The following PCLO variants were observed in gnomAD, a reference collection of about 807,000 sequenced individuals.
PCLO encodes the protein protein piccolo.
PCLO carries 82 observed loss-of-function variants against 427.5 expected under a neutral mutation model. That is an observed-to-expected ratio of 0.19 (90% CI 0.16 to 0.23). PCLO has a LOEUF of 0.23. Among genes scored for constraint, PCLO ranks in the 10% least tolerant of loss-of-function variants. The pLI, the probability that PCLO is intolerant of heterozygous loss-of-function variation, is 1.00. For missense variants in PCLO, 6,239 were observed against 6,115.9 expected (o/e 1.02, Z -0.67); for synonymous variants, 2,357 against 2,155.4 (o/e 1.09, Z -2.59).
chr7:82,770,366 A>C (rs187354701), intron 22 of PCLO, among the ~76,000 whole-genome samples: 3 of 152,120 alleles, frequency 2.0e-5, no homozygotes, highest in Admixed American at 2.0e-4. Flanking sequence ...CTAAGAAATA[A>C]ACCCATCATC....
At chr7:82,781,187 C>G (rs1790864549) in intron 22 of PCLO, among the ~76,000 whole-genome samples, 1 of 140,618 alleles carries the variant, frequency 7.1e-6, no homozygotes, top group Admixed American at 7.1e-5. Flanking sequence ...TTCTTCATTT[C>G]AGGTAAGGTA....
chr7:82,979,131 G>T (rs989299839), intron 3 of PCLO, among the ~76,000 whole-genome samples: 2 of 152,042 alleles, frequency 1.3e-5, no homozygotes, highest in Non-Finnish European at 2.9e-5. Context: ...ATTTATAGAA[G>T]TTATTCCTTT....
chr7:83,158,977 A>C (rs1792369434), intron 1 of PCLO, among the ~76,000 whole-genome samples: 1 of 152,022 alleles, frequency 6.6e-6, no homozygotes, highest in Non-Finnish European at 1.5e-5. Flanking sequence ...TTACTGTTAA[A>C]AAGAAAAGTG....
Position 82,838,277 on chromosome 7 carries a change from A to C in PCLO, c.14163T>G (p.Pro4721=). The C allele has an allele frequency of 6.3e-7, 1 of 1,584,232 alleles. No homozygotes were observed. The highest frequency in any genetic ancestry group is 8.6e-7 in the Non-Finnish European group (1 of 1,157,884). ...IHILQARNLV[P]RDNNGYSDPF... ...GGTCAGAATAACCATTGTTGTCTCGAGGAACAAGATTTCTTGCTTGGAGAA... is the reference window on the plus strand; with the variant it reads ...GGTCAGAATAACCATTGTTGTCTCGCGGAACAAGATTTCTTGCTTGGAGAA... The change falls in exon 15 of 25, where the codon CCT becomes CCG. Residue 4721 remains proline (P), a synonymous_variant. Coordinates refer to ENST00000333891, the MANE Select transcript of PCLO (RefSeq NM_033026.6).
intron 2 of PCLO, among the ~76,000 whole-genome samples, chr7:83,141,911 C>A (rs1252799651): frequency 6.6e-6 from 1 of 152,060 alleles, no homozygotes; most frequent in Non-Finnish European, 1.5e-5. Context: ...TCAAAATAAT[C>A]AGTTTGATAC....
intron 6 of PCLO, among the ~76,000 whole-genome samples, chr7:82,937,853 T>C (rs1237532049): frequency 2.0e-5 from 3 of 151,864 alleles, no homozygotes; most frequent in Non-Finnish European, 4.4e-5. Flanking sequence ...CAGTTGTGTT[T>C]TGTCCTTCTT....
chr7:82,843,819 C>T (rs541738621), intron 13 of PCLO, among the ~76,000 whole-genome samples: 17 of 152,002 alleles, frequency 1.1e-4, no homozygotes, highest in African/African-American at 4.1e-4. Flanking sequence ...CATGTGCCAC[C>T]AGACCTGGCT....
chr7:83,111,401 T>C (rs979093769), intron 3 of PCLO, among the ~76,000 whole-genome samples: 2 of 152,178 alleles, frequency 1.3e-5, no homozygotes, highest in African/African-American at 4.8e-5. Context: ...ACCATCCAAT[T>C]AGGCTAAATC....
Position 82,838,331 on chromosome 7 carries a change from GT to G in PCLO, c.14108del (p.Asn4703ThrfsTer8). 6.7e-7 allele frequency: 1 copy of G among 1,498,500 alleles called. No individual in the cohort carries two copies. The highest frequency in any genetic ancestry group is 9.2e-7 in the Non-Finnish European group (1 of 1,092,078). 92.8% of individuals were successfully genotyped at this position (1,498,500 alleles called of 1,614,324 possible). On this transcript the variant is annotated frameshift_variant, in exon 15 of 25. Transcript: ENST00000333891. LOFTEE classifies it high-confidence loss of function. ...PITGEIQLQINYDLGNLIIHI... is the reference protein window; with the variant it reads ...PITGEIQLQIXYDLGNLIIHI... ...GTATTATGAGATTTCCAAGATCATA[GT>G]TAATTTGAAGCTTTAGGAGAGAGAA...
intron 22 of PCLO, among the ~76,000 whole-genome samples, chr7:82,792,130 G>T (rs1791114035): frequency 6.6e-6 from 1 of 152,070 alleles, no homozygotes; most frequent in Non-Finnish European, 1.5e-5. Context: ...TTTAATGAGT[G>T]TGTCAGATAA....
intron 1 of PCLO, among the ~76,000 whole-genome samples, chr7:83,159,388 A>C (rs1249422804): frequency 6.6e-6 from 1 of 152,056 alleles, no homozygotes; most frequent in Non-Finnish European, 1.5e-5. Flanking sequence ...AATTTTTTTC[A>C]ATAAAGCCCT....
At chr7:83,057,380 G>T (rs553295341) in intron 3 of PCLO, among the ~76,000 whole-genome samples, 33 of 20,538 alleles carry the variant, frequency 1.6e-3, no homozygotes, top group African/African-American at 3.5e-3. Flanking sequence ...TTTTTTTTTT[G>T]AGGCAGAGTC....
chr7:82,819,133 T>C (rs1372348685), intron 20 of PCLO, among the ~76,000 whole-genome samples: 1 of 152,160 alleles, frequency 6.6e-6, no homozygotes, highest in Admixed American at 6.6e-5. Flanking sequence ...ATTGTTACAC[T>C]TATAATAGCA....
chr7:82,990,835 C>A (rs956191062), intron 3 of PCLO, among the ~76,000 whole-genome samples: 1 of 151,920 alleles, frequency 6.6e-6, no homozygotes, highest in Non-Finnish European at 1.5e-5. Flanking sequence ...ATTAGAAAAA[C>A]ATCATGATAA....
At chr7:82,938,830 T>G (rs1795015185) in intron 6 of PCLO, among the ~76,000 whole-genome samples, 1 of 152,058 alleles carries the variant, frequency 6.6e-6, no homozygotes, top group Admixed American at 6.6e-5. Flanking sequence ...TTTACAGTTC[T>G]AATATGCTAC....
chr7:83,082,084 T>C (rs1037710376), intron 3 of PCLO, among the ~76,000 whole-genome samples: 2 of 151,402 alleles, frequency 1.3e-5, no homozygotes, highest in Non-Finnish European at 3.0e-5. Flanking sequence ...TAAGAAATTT[T>C]CCTCCATTTA....
rs918923482 is a variant in PCLO, at chr7:82,758,292, G to A, written c.*283C>T. The A allele has an allele frequency of 1.5e-5, 4 of 272,618 alleles. No individual in the cohort carries two copies. Among genetic ancestry groups the A allele is most frequent in the African/African-American group, 6.7e-5 (3 of 44,940 alleles). 16.9% of individuals were successfully genotyped at this position (272,618 alleles called of 1,614,324 possible). ...AGCTCAACTCTACTCAAAGATTATT[G>A]TCTTAAGTAATCAAAATTTGTTTCA... On this transcript the variant is annotated 3_prime_UTR_variant, in exon 25 of 25. Transcript: ENST00000333891.
In PCLO at chr7:83,122,286, C is replaced by CTT. The variant is rs71074624; in HGVS notation, c.3300+11962_3300+11963dup. On this transcript the variant is annotated intron_variant, in intron 3 of 24. Transcript: ENST00000333891. ...TTTCCTTCTTTCTTTCTTTTCTTTTCTTTTTTTTTTTTTTTTTTTTATGGT... is the reference window on the plus strand; with the variant it reads ...TTTCCTTCTTTCTTTCTTTTCTTTTCTTTTTTTTTTTTTTTTTTTTTTATGGT... Among the ~76,000 whole-genome samples the CTT allele has an allele frequency of 7.8e-5, 10 of 128,290 alleles. No homozygotes were observed. The South Asian group carries it at 2.0e-3, about 25-fold the overall frequency. The allele number at this position is 128,290 out of a possible 152,430, so 84.2% of individuals were successfully genotyped here.
intron 10 of PCLO, among the ~76,000 whole-genome samples, chr7:82,876,455 T>TACATACACACACAC (rs1554345381): frequency 6.3e-5 from 9 of 143,100 alleles, no homozygotes; most frequent in African/African-American, 2.4e-4. Flanking sequence ...AAAACAAGTA[T>TACATACACACACAC]ACACACACAC....
Sources: gnomAD v4.1 joint callset for allele counts (sites outside exome capture counted in the v4.1 genomes callset) on GRCh38, gnomAD v4.1.1 for gene constraint, MANE v1.5 for transcripts, NCBI Gene and HGNC (gene_info 2026-07-23, HGNC 2026-07-21) for gene names.